RBFOX1: variants seen among roughly 807,000 people sequenced by gnomAD.
RBFOX1 encodes RNA binding protein fox-1 homolog 1.
A neutral mutation model predicts 57.7 loss-of-function variants in RBFOX1; 8 were observed. The observed-to-expected ratio is 0.14, with a 90% CI of 0.08 to 0.25. The LOEUF is 0.25. Among genes scored for constraint, RBFOX1 ranks in the 10% least tolerant of loss-of-function variants. The probability of loss-of-function intolerance (pLI) is 1.00; values close to 1 mark genes in which losing one functional copy is unlikely to be tolerated. For synonymous variants in RBFOX1, 326 were observed against 222.4 expected (o/e 1.47, Z -4.15); for missense variants, 611 against 548.5 (o/e 1.11, Z -1.14).
intron 1 of RBFOX1, among the ~76,000 whole-genome samples, chr16:5,250,384 G>A (rs1466125552): frequency 2.0e-5 from 3 of 152,008 alleles, no homozygotes; most frequent in South Asian, 2.1e-4. Flanking sequence ...TTTAAGCCCC[G>A]CATGCATTAG....
intron 5 of RBFOX1, among the ~76,000 whole-genome samples, chr16:7,568,866 GAT>G (rs1336725858): frequency 9.2e-6 from 1 of 108,332 alleles, no homozygotes; most frequent in Non-Finnish European, 1.7e-5. Context: ...CAGCCTGGGT[GAT>G]AGAGACTCTG....
At chr16:7,049,903 A>G (rs2049396920) in intron 3 of RBFOX1, among the ~76,000 whole-genome samples, 2 of 152,188 alleles carry the variant, frequency 1.3e-5, no homozygotes, top group Non-Finnish European at 2.9e-5. Flanking sequence ...TAAAGTATAC[A>G]TTTTACTGGC....
chr16:6,615,499 G>A (rs1050462450), intron 2 of RBFOX1, among the ~76,000 whole-genome samples: 2 of 151,888 alleles, frequency 1.3e-5, no homozygotes, highest in Non-Finnish European at 2.9e-5. Context: ...GAACCCAAGG[G>A]GCAGAGGTTG....
At chr16:6,998,710 C>T (rs142714091) in intron 3 of RBFOX1, among the ~76,000 whole-genome samples, 2 of 152,184 alleles carry the variant, frequency 1.3e-5, no homozygotes, top group Non-Finnish European at 2.9e-5. Context: ...ATGATGGCTA[C>T]AGGTTGTCTT....
chr16:7,044,410 GA>G (rs1289755575), intron 3 of RBFOX1, among the ~76,000 whole-genome samples: 5 of 152,186 alleles, frequency 3.3e-5, no homozygotes, highest in Admixed American at 3.3e-4. Flanking sequence ...GGAGAAGGAT[GA>G]AAAAGGCTGA....
At chr16:5,412,644 G>T (rs771721353) in intron 1 of RBFOX1, among the ~76,000 whole-genome samples, 2 of 152,172 alleles carry the variant, frequency 1.3e-5, no homozygotes, top group African/African-American at 2.4e-5. Flanking sequence ...AGTCCTTATT[G>T]TGCGCTGGTT....
intron 3 of RBFOX1, among the ~76,000 whole-genome samples, chr16:6,859,921 T>C (rs779871241): frequency 2.0e-5 from 3 of 152,194 alleles, no homozygotes; most frequent in Non-Finnish European, 4.4e-5. Context: ...GAGGGCTGAT[T>C]AAGCAAATTA....
At chr16:5,599,398 G>T in exon 3 of RBFOX1, 2 of 584,366 alleles carry the variant, frequency 3.4e-6, no homozygotes, top group South Asian at 2.2e-5. Context: ...ATGGCATTGG[G>T]CTTGGAGTCA....
intron 4 of RBFOX1, among the ~76,000 whole-genome samples, chr16:7,078,816 G>A (rs112582687): frequency 0.042 from 6,006 of 141,396 alleles, 411 homozygotes; most frequent in African/African-American, 0.14. Flanking sequence ...CCGAGTAGCT[G>A]GGATTAGAGT....
chr16:5,637,426 T>C (rs2048717949), intron 3 of RBFOX1, among the ~76,000 whole-genome samples: 1 of 152,252 alleles, frequency 6.6e-6, no homozygotes, highest in African/African-American at 2.4e-5. Context: ...AGCGAGTGAA[T>C]TGATGTCTCT....
chr16:5,369,745 C>T (rs2065812694), intron 1 of RBFOX1, among the ~76,000 whole-genome samples: 3 of 152,214 alleles, frequency 2.0e-5, no homozygotes, highest in South Asian at 2.1e-4. Context: ...CCACCCTTTC[C>T]CTTCCCTTAT....
At chr16:7,422,400 G>A (rs1218871774) in intron 4 of RBFOX1, among the ~76,000 whole-genome samples, 1 of 152,186 alleles carries the variant, frequency 6.6e-6, no homozygotes. Flanking sequence ...ATGTCCGACA[G>A]GCAAGGGAGG....
chr16:6,780,215 A>ATATT (rs758615431), intron 3 of RBFOX1, among the ~76,000 whole-genome samples: 3 of 77,182 alleles, frequency 3.9e-5, no homozygotes, highest in African/African-American at 1.3e-4. Flanking sequence ...ATATTTATAT[A>ATATT]TATTTATATA....
intron 2 of RBFOX1, among the ~76,000 whole-genome samples, chr16:6,453,020 T>C (rs1455413604): frequency 6.6e-6 from 1 of 152,232 alleles, no homozygotes; most frequent in Non-Finnish European, 1.5e-5. Flanking sequence ...ATTGTCTTTC[T>C]TTAATTGTCA....
At chr16:7,661,240 T>C (rs952935463) in intron 12 of RBFOX1, among the ~76,000 whole-genome samples, 2 of 152,194 alleles carry the variant, frequency 1.3e-5, no homozygotes, top group Non-Finnish European at 2.9e-5. Flanking sequence ...TTTCCATTTC[T>C]CTCCAATACA....
intron 5 of RBFOX1, among the ~76,000 whole-genome samples, chr16:7,550,571 G>A (rs2086055306): frequency 6.6e-6 from 1 of 152,068 alleles, no homozygotes; most frequent in African/African-American, 2.4e-5. Flanking sequence ...ATTAAATGAT[G>A]CTTTTCATAT....
chr16:6,138,797 A>G (rs2096688620), intron 1 of RBFOX1, among the ~76,000 whole-genome samples: 1 of 152,148 alleles, frequency 6.6e-6, no homozygotes, highest in Non-Finnish European at 1.5e-5. Flanking sequence ...AACCCAGGAC[A>G]CAGAGGTTGC....
intron 2 of RBFOX1, among the ~76,000 whole-genome samples, chr16:6,596,862 C>T (rs538463117): frequency 2.6e-4 from 39 of 152,184 alleles, no homozygotes; most frequent in Middle Eastern, 6.8e-3. Context: ...AGTGCTATAT[C>T]GAGATAGAGA....
At chr16:7,200,816 C>T (rs1039726929) in intron 4 of RBFOX1, among the ~76,000 whole-genome samples, 6 of 152,096 alleles carry the variant, frequency 3.9e-5, no homozygotes, top group African/African-American at 1.2e-4. Flanking sequence ...ATGAAAACAC[C>T]ATAGGCCCTT....
Sources: gnomAD v4.1 joint callset for allele counts (sites outside exome capture counted in the v4.1 genomes callset) on GRCh38, gnomAD v4.1.1 for gene constraint, MANE v1.5 for transcripts, NCBI Gene and HGNC (gene_info 2026-07-23, HGNC 2026-07-21) for gene names.